Variants in OVCH1 observed in about 807,000 individuals in gnomAD.
OVCH1 encodes the protein ovochymase 1.
OVCH1 carries 139 observed loss-of-function variants against 138.4 expected under a neutral mutation model. The observed-to-expected ratio is 1.00, with a 90% confidence interval of 0.87 to 1.16. OVCH1 has a LOEUF of 1.16. OVCH1 is among the 50% of genes most tolerant of loss of function. The pLI, the probability that OVCH1 is intolerant of heterozygous loss-of-function variation, is 0.00. For synonymous variants in OVCH1, 453 were observed against 467.8 expected, an observed-to-expected ratio of 0.97 and a Z score of 0.41; for missense variants, 1,367 against 1,357.9, an observed-to-expected ratio of 1.01 and a Z score of -0.11.
chr12:29,480,575 T>A (rs183648919), intron 8 of OVCH1, among the ~76,000 whole-genome samples: 1 of 152,222 alleles, frequency 6.6e-6, no homozygotes, highest in Admixed American at 6.5e-5. Flanking sequence ...AAACTAACCA[T>A]TGATCTATTA....
chr12:29,418,203 A>G (rs941724488), intron 3 of OVCH1, among the ~76,000 whole-genome samples: 3 of 152,238 alleles, frequency 2.0e-5, no homozygotes, highest in Non-Finnish European at 2.9e-5. Context: ...TTGCATGACT[A>G]CTACATGACA....
At chr12:29,423,330 T>C (rs1257885314), downstream of OVCH1, 3 of 454,144 alleles carry the variant, frequency 6.6e-6, no homozygotes, top group African/African-American at 6.0e-5. Flanking sequence ...ATAATTAAAG[T>C]ACTTTTTCTG....
chr12:29,471,599 C>T (rs752884552), intron 16 of OVCH1, among the ~76,000 whole-genome samples: 15 of 152,192 alleles, frequency 9.9e-5, no homozygotes, highest in Non-Finnish European at 2.1e-4. Flanking sequence ...TCTATTTAAA[C>T]GGGATAAGCA....
At chr12:29,427,603 C>G in exon 28 of OVCH1, 2 of 1,551,372 alleles carry the variant, frequency 1.3e-6, no homozygotes, top group Non-Finnish European at 8.7e-7. Context: ...TTAGCAGGCA[C>G]CAAATCTGCT....
intron 3 of OVCH1, among the ~76,000 whole-genome samples, chr12:29,418,924 C>G (rs1290397521): frequency 6.6e-6 from 1 of 152,148 alleles, no homozygotes; most frequent in Non-Finnish European, 1.5e-5. Flanking sequence ...CAGGTATAAT[C>G]ATAGCTCACT....
chr12:29,472,131 T>C (rs1203613157), intron 15 of OVCH1, 149 bp from the exon 16 acceptor site: 6 of 955,482 alleles, frequency 6.3e-6, no homozygotes, highest in Non-Finnish European at 8.8e-6. Flanking sequence ...CTCTGAAAAA[T>C]CTGATTTTAA....
At chr12:29,405,513 A>C in the OVCH1 span, among the ~76,000 whole-genome samples, 42 of 152,342 alleles carry the variant, frequency 2.8e-4, no homozygotes, top group East Asian at 6.2e-3. Context: ...AATGCTTTTA[A>C]AGGCTAAAAC....
downstream of OVCH1, among the ~76,000 whole-genome samples, chr12:29,425,665 ATAATG>A: frequency 6.6e-6 from 1 of 152,328 alleles, no homozygotes; most frequent in East Asian, 1.9e-4. Context: ...TAAAATGAAG[ATAATG>A]TAACCTACCT....
At chr12:29,438,862 A>T (rs1394724153) in intron 26 of OVCH1, among the ~76,000 whole-genome samples, 1 of 152,174 alleles carries the variant, frequency 6.6e-6, no homozygotes, top group African/African-American at 2.4e-5. Flanking sequence ...TGTTCTTGGG[A>T]TAAATCCTAT....
chr12:29,482,424 C>A (rs918846493), intron 8 of OVCH1, among the ~76,000 whole-genome samples: 3 of 152,252 alleles, frequency 2.0e-5, no homozygotes, highest in Non-Finnish European at 2.9e-5. Flanking sequence ...TCTCCACCCC[C>A]CTTTCTTGCC....
At chr12:29,433,638 C>A (rs1305152681) in intron 27 of OVCH1, 15 of 1,148,474 alleles carry the variant, frequency 1.3e-5, no homozygotes, top group Non-Finnish European at 1.8e-5. Flanking sequence ...ATCTTCATTT[C>A]TTTGAATAGT....
intron 26 of OVCH1, among the ~76,000 whole-genome samples, chr12:29,437,188 A>G (rs1175871996): frequency 6.6e-6 from 1 of 152,214 alleles, no homozygotes. Context: ...CAGAACGCCA[A>G]CTGGTGTGTT....
intron 25 of OVCH1, among the ~76,000 whole-genome samples, chr12:29,440,103 C>A (rs1348563636): frequency 6.6e-6 from 1 of 152,168 alleles, no homozygotes; most frequent in African/African-American, 2.4e-5. Context: ...TCCAGTCCCT[C>A]TCCCCTACCC....
Position 29,419,342 on chromosome 12 carries a change from C to T in OVCH1, c.*71+3785G>A, listed in dbSNP as rs536870808. 1.1e-4 allele frequency among the ~76,000 whole-genome samples: 17 copies of T among 151,586 alleles called. No homozygotes were observed. In the South Asian group the frequency reaches 3.5e-3, roughly 32 times the overall value. On this transcript the variant is annotated intron_variant and NMD_transcript_variant, in intron 3 of 4. Transcript: ENST00000539117. ...TCATTCTGTCACCCAGGCTGGAGTG[C>T]AGTGGCACAATTTGGGATCACTGCA...
At chr12:29,493,485 C>A (rs1022443570) in intron 4 of OVCH1, among the ~76,000 whole-genome samples, 1 of 152,172 alleles carries the variant, frequency 6.6e-6, no homozygotes, top group African/African-American at 2.4e-5. Context: ...CAGTCTCTCT[C>A]TACCAATATC....
At chr12:29,411,605 T>C (rs1383134043), downstream of OVCH1, among the ~76,000 whole-genome samples, 2 of 152,140 alleles carry the variant, frequency 1.3e-5, no homozygotes, top group African/African-American at 4.8e-5. Context: ...GCAGCGGTGT[T>C]TGCAGAACAG....
chr12:29,491,772 C>T (rs563303782), intron 4 of OVCH1, among the ~76,000 whole-genome samples: 5 of 152,070 alleles, frequency 3.3e-5, no homozygotes, highest in Non-Finnish European at 7.4e-5. Flanking sequence ...AAATGTAGCA[C>T]ACTAAAAACA....
At chr12:29,444,078 G>C in intron 24 of OVCH1, 67 bp downstream of exon 24, 1 of 1,489,938 alleles carries the variant, frequency 6.7e-7, no homozygotes, top group Non-Finnish European at 9.0e-7. Context: ...CAAGTACCAA[G>C]TGTTGATGTC....
At chr12:29,417,059 G>A (rs528864971) in intron 3 of OVCH1, among the ~76,000 whole-genome samples, 5 of 152,296 alleles carry the variant, frequency 3.3e-5, no homozygotes, top group East Asian at 1.9e-4. Context: ...GTGCTGAGTG[G>A]AAAAAGTCAA....
Sources: gnomAD v4.1 joint callset for allele counts (sites outside exome capture counted in the v4.1 genomes callset) on GRCh38, gnomAD v4.1.1 for gene constraint, MANE v1.5 for transcripts, NCBI Gene and HGNC (gene_info 2026-07-23, HGNC 2026-07-21) for gene names.